The following TFDP2 variants were observed in gnomAD, a reference collection of about 807,000 sequenced individuals.
TFDP2 encodes the protein transcription factor Dp-2, also known as transcription factor Dp-2 (E2F dimerization partner 2).
A neutral mutation model predicts 59.3 loss-of-function variants in TFDP2; 17 were observed. That is an observed-to-expected ratio of 0.29 (90% CI 0.20 to 0.43). The LOEUF (loss-of-function observed/expected upper bound fraction) is 0.43. Among genes scored for constraint, TFDP2 ranks in the 20% least tolerant of loss-of-function variants. The pLI, the probability that TFDP2 is intolerant of heterozygous loss-of-function variation, is 1.00. For synonymous variants in TFDP2, 180 were observed against 194.7 expected, an observed-to-expected ratio of 0.92 and a Z score of 0.63; for missense variants, 391 against 528.8, an observed-to-expected ratio of 0.74 and a Z score of 2.56.
In TFDP2 at chr3:142,060,227, TG is replaced by T. The variant is rs530907602; in HGVS notation, c.82+32833del. On this transcript the variant is annotated intron_variant, in intron 3 of 12. Coordinates refer to ENST00000489671, the MANE Select transcript of TFDP2 (RefSeq NM_001178139.2). ...AAAATTTTACTAACAGAAACTTTCC[TG>T]AACTCCTTGCCTCAAGTGATCCTTC... is the stretch of plus-strand genomic sequence containing the variant. 1.2e-4 allele frequency among the ~76,000 whole-genome samples: 18 copies of T among 152,322 alleles called. No individual in the cohort carries two copies. In the East Asian group the frequency reaches 2.1e-3, roughly 18 times the overall value.
At chr3:142,104,386 C>T (rs1427965000) in intron 1 of TFDP2, among the ~76,000 whole-genome samples, 1 of 152,028 alleles carries the variant, frequency 6.6e-6, no homozygotes, top group African/African-American at 2.4e-5. Context: ...ATATTTCAAC[C>T]AAGCTTGATC....
intron 3 of TFDP2, among the ~76,000 whole-genome samples, chr3:142,059,600 G>A (rs2059849814): frequency 6.6e-6 from 1 of 150,386 alleles, no homozygotes; most frequent in Non-Finnish European, 1.5e-5. Flanking sequence ...TTTTTTTTGA[G>A]ACAGAGTCTT....
chr3:142,101,573 G>A (rs891688432), intron 2 of TFDP2, among the ~76,000 whole-genome samples, 162 bp downstream of exon 2: 2 of 152,036 alleles, frequency 1.3e-5, no homozygotes, highest in African/African-American at 2.4e-5. Flanking sequence ...ATATTCAATC[G>A]CATTAAAGCT....
intron 3 of TFDP2, among the ~76,000 whole-genome samples, chr3:142,045,613 T>A (rs1184100748): frequency 2.7e-4 from 1 of 3,690 alleles, no homozygotes; most frequent in Non-Finnish European, 4.2e-4. Context: ...ATTATTTGAC[T>A]TTTTTTTTTT....
intron 3 of TFDP2, chr3:142,028,653 T>C (rs1946271476): frequency 1.0e-6 from 1 of 985,294 alleles, no homozygotes; most frequent in Non-Finnish European, 1.2e-6. Flanking sequence ...CAGTGGAAAC[T>C]TGAGACTGTG....
At chr3:142,122,264 A>C (rs769284829) in intron 1 of TFDP2, among the ~76,000 whole-genome samples, 4 of 152,194 alleles carry the variant, frequency 2.6e-5, no homozygotes, top group African/African-American at 4.8e-5. Context: ...GTCCCACATA[A>C]CGATAAATTC....
At chr3:142,049,919 T>C (rs889048723) in intron 3 of TFDP2, among the ~76,000 whole-genome samples, 26 of 152,076 alleles carry the variant, frequency 1.7e-4, no homozygotes, top group Non-Finnish European at 3.2e-4. Context: ...GAAACTGCAA[T>C]AGATTGCTGA....
intron 1 of TFDP2, among the ~76,000 whole-genome samples, chr3:142,113,892 G>C (rs1223605286): frequency 1.3e-5 from 2 of 152,112 alleles, no homozygotes; most frequent in South Asian, 2.1e-4. Flanking sequence ...GGGCCGGGCG[G>C]GGTGGCTCAC....
At chr3:142,111,521 A>G (rs960670067) in intron 1 of TFDP2, among the ~76,000 whole-genome samples, 1 of 152,062 alleles carries the variant, frequency 6.6e-6, no homozygotes, top group African/African-American at 2.4e-5. Context: ...GAAGAAGTCA[A>G]GTTTGAGCTG....
chr3:142,124,666 G>A (rs1209831935), intron 1 of TFDP2, among the ~76,000 whole-genome samples: 2 of 152,074 alleles, frequency 1.3e-5, no homozygotes, highest in African/African-American at 4.8e-5. Context: ...TTCTAAATAT[G>A]AAACCAAGCC....
At position 141,996,330 on chromosome 3, in the gene TFDP2, C is replaced by T. The variant is rs11569194; in HGVS notation, c.187-1189G>A. Among the ~76,000 whole-genome samples, 20 of 152,144 alleles carry T rather than the reference C, an allele frequency of 1.3e-4. No homozygotes were observed. In the South Asian group the frequency reaches 3.7e-3, roughly 28 times the overall value. ...GGGATATTAATGAAACATGATTGGC[C>T]CCTATGTGGATAATTGTTGAAGCAA... On this transcript the variant is annotated intron_variant, in intron 4 of 12. Transcript: ENST00000489671.
At chr3:142,061,355 G>C (rs1315227176) in intron 3 of TFDP2, among the ~76,000 whole-genome samples, 3 of 151,998 alleles carry the variant, frequency 2.0e-5, no homozygotes, top group African/African-American at 7.2e-5. Context: ...CTAAGTATAA[G>C]AAAACAGATG....
At chr3:141,997,485 AC>A (rs1304821392) in intron 4 of TFDP2, among the ~76,000 whole-genome samples, 4 of 152,086 alleles carry the variant, frequency 2.6e-5, no homozygotes, top group Non-Finnish European at 4.4e-5. Context: ...AGATTGTATT[AC>A]TACTGCAGTA....
At chr3:142,003,371 C>T (rs944467277) in intron 4 of TFDP2, among the ~76,000 whole-genome samples, 1 of 151,974 alleles carries the variant, frequency 6.6e-6, no homozygotes, top group African/African-American at 2.4e-5. Flanking sequence ...ATCTCATGAC[C>T]CGCCCACCAT....
chr3:141,993,440 A>G, intron 6 of TFDP2, 98 bp downstream of exon 6: 2 of 696,042 alleles, frequency 2.9e-6, no homozygotes, highest in Non-Finnish European at 4.7e-6. Flanking sequence ...TTAAAGTTAC[A>G]TGAAGAAAAA....
rs535357136 is a variant in TFDP2 at position 142,054,551 on chromosome 3, T to C, written c.82+38510A>G. On this transcript the variant is annotated intron_variant, in intron 3 of 12. Transcript: ENST00000489671. ...CCTCTGCTATAGGGGTTACCGTGTA[T>C]CTCAGGTGGCACTTCATAATATTAA... Among the ~76,000 whole-genome samples, 3 of 152,320 alleles carry C rather than the reference T, an allele frequency of 2.0e-5. No individual in the cohort carries two copies. In the South Asian group the frequency reaches 6.2e-4, roughly 32 times the overall value.
intron 3 of TFDP2, among the ~76,000 whole-genome samples, chr3:142,026,974 C>T (rs575812533): frequency 4.6e-5 from 7 of 152,320 alleles, no homozygotes; most frequent in Admixed American, 3.3e-4. Context: ...TAAGCCTCAG[C>T]TTCTCACAGA....
intron 7 of TFDP2, 71 bp downstream of exon 7, chr3:141,978,449 T>C: frequency 6.9e-7 from 1 of 1,453,922 alleles, no homozygotes; most frequent in Non-Finnish European, 9.3e-7. Context: ...ATTCCTCAAA[T>C]CTATAACAAA....
At chr3:142,115,052 T>C (rs1457689779) in intron 1 of TFDP2, among the ~76,000 whole-genome samples, 2 of 152,120 alleles carry the variant, frequency 1.3e-5, no homozygotes, top group East Asian at 3.8e-4. Flanking sequence ...CAAGTCTTCC[T>C]TAATTCCTGC....
Sources: gnomAD v4.1 joint callset for allele counts (sites outside exome capture counted in the v4.1 genomes callset) on GRCh38, gnomAD v4.1.1 for gene constraint, MANE v1.5 for transcripts, NCBI Gene and HGNC (gene_info 2026-07-23, HGNC 2026-07-21) for gene names.